Variants in MYO6 observed in about 807,000 individuals in gnomAD.
The protein encoded by MYO6 is unconventional myosin-VI.
MYO6 carries 74 observed loss-of-function variants against 178.7 expected under a neutral mutation model. The ratio of observed to expected loss-of-function variants is 0.41; its 90% confidence interval spans 0.34 to 0.50. The LOEUF (loss-of-function observed/expected upper bound fraction) is 0.50. Ranked by LOEUF, MYO6 falls within the 20% of genes least tolerant of loss-of-function variation. MYO6 has a pLI of 0.09. For missense variants in MYO6, 1,330 were observed against 1,547.4 expected (o/e 0.86, Z 2.36); for synonymous variants, 477 against 504.6 (o/e 0.95, Z 0.73).
chr6:75,807,930 C>T (rs757609508), intron 1 of MYO6, among the ~76,000 whole-genome samples: 38 of 151,944 alleles, frequency 2.5e-4, no homozygotes, highest in Non-Finnish European at 3.7e-4. Context: ...CCTTATTTTA[C>T]CCACCTCCTA....
chr6:75,912,464 A>G (rs1391315275), intron 33 of MYO6, among the ~76,000 whole-genome samples: 1 of 152,044 alleles, frequency 6.6e-6, no homozygotes, highest in Non-Finnish European at 1.5e-5. Context: ...CCAGATAAGT[A>G]TTCGTTTCTA....
chr6:75,847,216 T>TA (rs1258840901), intron 10 of MYO6, among the ~76,000 whole-genome samples: 2 of 152,150 alleles, frequency 1.3e-5, no homozygotes, highest in Non-Finnish European at 2.9e-5. Flanking sequence ...CTTTGCTTCT[T>TA]TTAAGAATAA....
At chr6:75,791,026 C>T (rs1033411247) in intron 1 of MYO6, among the ~76,000 whole-genome samples, 25 of 152,092 alleles carry the variant, frequency 1.6e-4, no homozygotes, top group African/African-American at 5.1e-4. Context: ...CTCCGCCTCC[C>T]GAGTTCATGC....
rs1781299290 is a variant in MYO6, at chr6:75,919,204, T to C, written c.*4192T>C. 6.6e-6 allele frequency: 1 copy of C among 152,208 alleles called. No homozygotes were observed. Among genetic ancestry groups the C allele is most frequent in the African/African-American group, 2.4e-5 (1 of 41,460 alleles). The allele number at this position is 152,208 out of a possible 1,614,324, so 9.4% of individuals were successfully genotyped here. A position where few individuals can be genotyped will look rare whatever the true frequency, so the allele number is the denominator to read the frequency against. On this transcript the variant is annotated 3_prime_UTR_variant, in exon 35 of 35. Coordinates refer to ENST00000369977, the MANE Select transcript of MYO6 (RefSeq NM_004999.4). ...AGTGGTAAAATGTGGGCTTTTAGTGTACCTAACACCCAGAGAAGCATACAT... is the reference window on the plus strand; with the variant it reads ...AGTGGTAAAATGTGGGCTTTTAGTGCACCTAACACCCAGAGAAGCATACAT...
intron 1 of MYO6, among the ~76,000 whole-genome samples, chr6:75,799,618 T>TC (rs1176151019): frequency 5.3e-5 from 8 of 152,192 alleles, no homozygotes; most frequent in Admixed American, 2.0e-4. Flanking sequence ...TTTCTTTTTT[T>TC]CCCTTTGAAT....
At chr6:75,846,417 A>G (rs1774733428) in intron 10 of MYO6, among the ~76,000 whole-genome samples, 1 of 152,096 alleles carries the variant, frequency 6.6e-6, no homozygotes, top group South Asian at 2.1e-4. Context: ...TTATATTTTT[A>G]GCATATTTAT....
chr6:75,750,255 TG>T (rs1199978781), intron 1 of MYO6, among the ~76,000 whole-genome samples: 40 of 152,076 alleles, frequency 2.6e-4, no homozygotes, highest in African/African-American at 9.4e-4. Context: ...CCACCACGCC[TG>T]GCTAATTTTT....
chr6:75,787,726 C>CTATATATA (rs1562158559), intron 1 of MYO6, among the ~76,000 whole-genome samples: 2 of 20,462 alleles, frequency 9.8e-5, no homozygotes, highest in Non-Finnish European at 1.8e-4. Flanking sequence ...CTCTCTCTCT[C>CTATATATA]TCTCTATATA....
chr6:75,829,051 AG>A (rs138513623), intron 4 of MYO6, among the ~76,000 whole-genome samples: 2,111 of 152,264 alleles, frequency 0.014, 26 homozygotes, highest in Non-Finnish European at 0.016. Flanking sequence ...AATTTGAATG[AG>A]GAAAAAAATG....
rs370587123 is a variant in MYO6 at position 75,845,821 on chromosome 6, C to T, written c.897+844C>T. ...CCAACATGATGAGACCCTGTCTCTA[C>T]CAAAAAATTACAAAAATTAGCCAGG... On this transcript the variant is annotated intron_variant, in intron 10 of 34. Transcript: ENST00000369977. Among the ~76,000 whole-genome samples, 88 of 151,148 alleles carry T rather than the reference C, an allele frequency of 5.8e-4. 2 individuals are homozygous for T. The highest frequency in any genetic ancestry group is 2.1e-3 in the African/African-American group (85 of 41,162).
intron 12 of MYO6, 79 bp from the exon 13 acceptor site, chr6:75,857,018 G>T: frequency 7.5e-7 from 1 of 1,339,182 alleles, no homozygotes; most frequent in Non-Finnish European, 1.1e-6. Flanking sequence ...TTCTCTGTGT[G>T]TATGTTTAGG....
At chr6:75,802,635 A>G (rs1583129380) in intron 1 of MYO6, among the ~76,000 whole-genome samples, 1 of 151,800 alleles carries the variant, frequency 6.6e-6, no homozygotes, top group South Asian at 2.1e-4. Context: ...ACAGGCATGC[A>G]CCACTTCACC....
At chr6:75,786,816 A>G (rs1767614388) in intron 1 of MYO6, among the ~76,000 whole-genome samples, 1 of 152,192 alleles carries the variant, frequency 6.6e-6, no homozygotes, top group Non-Finnish European at 1.5e-5. Context: ...GTAAGTTGAC[A>G]TGCTGTCCCT....
At chr6:75,794,680 C>T (rs1768602400) in intron 1 of MYO6, among the ~76,000 whole-genome samples, 1 of 144,504 alleles carries the variant, frequency 6.9e-6, no homozygotes, top group South Asian at 2.1e-4. Context: ...TTTCAGAGAG[C>T]AGCCAAACAA....
At chr6:75,803,196 A>G (rs1387813043) in intron 1 of MYO6, among the ~76,000 whole-genome samples, 2 of 152,234 alleles carry the variant, frequency 1.3e-5, no homozygotes, top group Admixed American at 6.5e-5. Context: ...TATTGTATTT[A>G]TAGTAATTTT....
At chr6:75,855,094 T>C in intron 11 of MYO6, 45 bp from the exon 12 acceptor site, 2 of 1,487,712 alleles carry the variant, frequency 1.3e-6, no homozygotes, top group South Asian at 1.2e-5. Context: ...GAAAATCTGG[T>C]TTATATAATA....
intron 1 of MYO6, among the ~76,000 whole-genome samples, chr6:75,751,757 T>G (rs1776914525): frequency 6.6e-6 from 1 of 152,162 alleles, no homozygotes; most frequent in Non-Finnish European, 1.5e-5. Flanking sequence ...AAATGTAGCT[T>G]TCTTTAGAAA....
intron 11 of MYO6, among the ~76,000 whole-genome samples, chr6:75,851,579 G>A (rs71561446): frequency 0.016 from 2,424 of 151,864 alleles, 32 homozygotes; most frequent in African/African-American, 0.038. Flanking sequence ...GAGGCGGGAG[G>A]GTTACTTGAG....
intron 5 of MYO6, among the ~76,000 whole-genome samples, chr6:75,832,213 C>A (rs1773169088): frequency 6.6e-6 from 1 of 151,958 alleles, no homozygotes; most frequent in Admixed American, 6.6e-5. Flanking sequence ...TAAACAGAGG[C>A]AAATCTAGGA....
Sources: gnomAD v4.1 joint callset for allele counts (sites outside exome capture counted in the v4.1 genomes callset) on GRCh38, gnomAD v4.1.1 for gene constraint, MANE v1.5 for transcripts, NCBI Gene and HGNC (gene_info 2026-07-23, HGNC 2026-07-21) for gene names.